The following RFX3 variants were observed in gnomAD, a reference collection of about 807,000 sequenced individuals.
RFX3 encodes the protein regulatory factor X3.
Under a neutral mutation model 98.6 loss-of-function variants are expected in RFX3, and 14 were observed. The observed-to-expected ratio is 0.14, with a 90% CI of 0.09 to 0.22. The LOEUF (loss-of-function observed/expected upper bound fraction) is 0.22. RFX3 is among the 10% of genes least tolerant of loss of function. The pLI is 1.00. For missense variants in RFX3, 639 were observed against 926.9 expected (o/e 0.69, Z 4.03); for synonymous variants, 383 against 328.4 (o/e 1.17, Z -1.80).
intron 2 of RFX3, among the ~76,000 whole-genome samples, chr9:3,380,691 T>G (rs1456115945): frequency 6.6e-6 from 1 of 152,172 alleles, no homozygotes; most frequent in Admixed American, 6.6e-5. Flanking sequence ...AAAACCACAT[T>G]AAATGAATGC....
chr9:3,457,686 A>T (rs1364023016), intron 1 of RFX3, among the ~76,000 whole-genome samples: 1 of 152,056 alleles, frequency 6.6e-6, no homozygotes, highest in Non-Finnish European at 1.5e-5. Flanking sequence ...AGACATTTGT[A>T]TTTGTGTCCC....
At chr9:3,352,954 C>G (rs1038155368) in intron 2 of RFX3, among the ~76,000 whole-genome samples, 17 of 151,898 alleles carry the variant, frequency 1.1e-4, no homozygotes, top group Admixed American at 6.6e-5. Flanking sequence ...ACCCAAATGT[C>G]CAACAATGAT....
At chr9:3,504,122 T>C (rs887833287) in intron 1 of RFX3, among the ~76,000 whole-genome samples, 19 of 140,162 alleles carry the variant, frequency 1.4e-4, no homozygotes, top group African/African-American at 4.6e-4. Context: ...TCTCTCTCCC[T>C]CTCTCTTTAT....
intron 1 of RFX3, among the ~76,000 whole-genome samples, chr9:3,458,625 G>A (rs1477600131): frequency 1.3e-5 from 2 of 152,138 alleles, no homozygotes; most frequent in Non-Finnish European, 2.9e-5. Flanking sequence ...AGGTTTTAAA[G>A]TCTGGGAATG....
chr9:3,401,035 T>A (rs1200298045), intron 1 of RFX3, among the ~76,000 whole-genome samples: 1 of 152,174 alleles, frequency 6.6e-6, no homozygotes, highest in African/African-American at 2.4e-5. Flanking sequence ...TAGACAGCAA[T>A]CTTTGGGGTT....
chr9:3,416,602 T>G (rs1417754845), intron 1 of RFX3, among the ~76,000 whole-genome samples: 6 of 152,302 alleles, frequency 3.9e-5, no homozygotes, highest in Middle Eastern at 3.4e-3. Flanking sequence ...CCATTGTCCC[T>G]GGTGCTGTTG....
intron 1 of RFX3, among the ~76,000 whole-genome samples, chr9:3,412,824 T>A (rs1272921381): frequency 6.6e-6 from 1 of 152,202 alleles, no homozygotes; most frequent in East Asian, 1.9e-4. Flanking sequence ...CTGGCAATTC[T>A]ACTGGTAAAT....
At chr9:3,331,852 G>A (rs1832639425) in intron 3 of RFX3, among the ~76,000 whole-genome samples, 1 of 152,022 alleles carries the variant, frequency 6.6e-6, no homozygotes, top group Non-Finnish European at 1.5e-5. Context: ...TTACTTCCTA[G>A]TTATACTTTA....
Position 3,263,029 on chromosome 9 carries a change from T to C in RFX3, c.1511A>G (p.His504Arg). 1.2e-6 allele frequency: 2 copies of C among 1,613,862 alleles called. No homozygotes were observed. The highest frequency in any genetic ancestry group is 1.7e-6 in the Non-Finnish European group (2 of 1,179,810). ...QTLRRYTSLN[H>R]LAQAARAVLQ... The stretch of plus-strand genomic sequence containing the variant: ...CACTGCACGAGCTGCCTGGGCCAGG[T>C]GATTAAGCGACGTGTATCTTCGCAG... The change falls in exon 13 of 17, where the codon CAC becomes CGC. Residue 504 changes from histidine (H) to arginine (R), a missense_variant. This residue lies in a region of RFX3 where 138 missense variants were observed against 308.9 expected (regional missense o/e 0.45). Transcript: ENST00000617270.
At chr9:3,426,879 T>C (rs892754754) in intron 1 of RFX3, among the ~76,000 whole-genome samples, 1 of 152,076 alleles carries the variant, frequency 6.6e-6, no homozygotes, top group Non-Finnish European at 1.5e-5. Context: ...ACACAATAAA[T>C]GTAATGTATT....
intron 16 of RFX3, among the ~76,000 whole-genome samples, chr9:3,226,630 G>C (rs1817807208): frequency 6.6e-6 from 1 of 152,142 alleles, no homozygotes; most frequent in Admixed American, 6.5e-5. Flanking sequence ...ATTTGCCTCT[G>C]GTAAATGAAC....
chr9:3,355,159 GA>G (rs1320556595), intron 2 of RFX3, among the ~76,000 whole-genome samples: 1 of 151,514 alleles, frequency 6.6e-6, no homozygotes, highest in Non-Finnish European at 1.5e-5. Context: ...AAAAATAAAG[GA>G]AATAAAAGAA....
intron 2 of RFX3, among the ~76,000 whole-genome samples, chr9:3,354,524 T>G (rs1835521805): frequency 6.6e-6 from 1 of 151,798 alleles, no homozygotes; most frequent in South Asian, 2.1e-4. Flanking sequence ...GACTGAAAAC[T>G]TCTCAGTGAA....
chr9:3,236,669 C>T (rs530869653), intron 15 of RFX3, among the ~76,000 whole-genome samples: 2 of 152,194 alleles, frequency 1.3e-5, no homozygotes, highest in Admixed American at 1.3e-4. Flanking sequence ...GCAGTGGACA[C>T]AGCAGGACAC....
intron 4 of RFX3, among the ~76,000 whole-genome samples, chr9:3,310,439 T>C (rs562920109): frequency 1.3e-5 from 2 of 152,322 alleles, no homozygotes; most frequent in East Asian, 3.9e-4. Flanking sequence ...GACTCTGAAA[T>C]GGCTTTTTAA....
chr9:3,225,821 C>A (rs1027759931), intron 16 of RFX3, among the ~76,000 whole-genome samples: 10 of 152,092 alleles, frequency 6.6e-5, no homozygotes, highest in Non-Finnish European at 1.2e-4. Context: ...ATCAATGTCA[C>A]AGTATTAAAT....
At chr9:3,304,634 G>A (rs547459022) in intron 4 of RFX3, among the ~76,000 whole-genome samples, 47 of 152,054 alleles carry the variant, frequency 3.1e-4, no homozygotes, top group Admixed American at 1.4e-3. Flanking sequence ...TAAGTCTCAC[G>A]AGATCTGATG....
rs1052922266 is a variant in RFX3 at position 3,224,019 on chromosome 9, T to C, written c.*1023A>G. The C allele has an allele frequency of 6.6e-6, 1 of 152,170 alleles. No homozygotes were observed. The highest frequency in any genetic ancestry group is 1.5e-5 in the Non-Finnish European group (1 of 68,020). 9.4% of individuals were successfully genotyped at this position (152,170 alleles called of 1,614,324 possible). A position where few individuals can be genotyped will look rare whatever the true frequency, so the allele number is the denominator to read the frequency against. On this transcript the variant is annotated 3_prime_UTR_variant, in exon 17 of 17. Coordinates refer to ENST00000617270, the MANE Select transcript of RFX3 (RefSeq NM_001282116.2). ...TAGTTTTGAAGGAAATAACGTTATGTAGGTTGCTACATTCCTTGCATTCTA... is the reference window on the plus strand; with the variant it reads ...TAGTTTTGAAGGAAATAACGTTATGCAGGTTGCTACATTCCTTGCATTCTA...
intron 2 of RFX3, among the ~76,000 whole-genome samples, chr9:3,360,517 GA>G (rs954498682): frequency 6.6e-6 from 1 of 151,456 alleles, no homozygotes; most frequent in Non-Finnish European, 1.5e-5. Context: ...CAACTGAAGG[GA>G]AAAAAAATTA....
Sources: allele counts gnomAD v4.1 joint callset (sites outside exome capture counted in the v4.1 genomes callset), GRCh38; gene constraint gnomAD v4.1.1; regional missense constraint gnomAD v4.1.1; transcripts MANE v1.5; gene names NCBI Gene and HGNC (gene_info 2026-07-23, HGNC 2026-07-21).